PHF20: variants seen among roughly 807,000 people sequenced by gnomAD.
PHF20 encodes glioma-expressed antigen 2.
A neutral mutation model predicts 113.5 loss-of-function variants in PHF20; 23 were observed. The ratio of observed to expected loss-of-function variants is 0.20; its 90% CI spans 0.15 to 0.29. The LOEUF (loss-of-function observed/expected upper bound fraction) is 0.29. Among genes scored for constraint, PHF20 ranks in the 10% least tolerant of loss-of-function variants. The pLI is 1.00. For missense variants in PHF20, 943 were observed against 1,219.6 expected, an observed-to-expected ratio of 0.77 and a Z score of 3.38; for synonymous variants, 434 against 457.3, an observed-to-expected ratio of 0.95 and a Z score of 0.65.
At chr20:35,809,932 G>A (rs958530075) in intron 2 of PHF20, among the ~76,000 whole-genome samples, 1 of 152,050 alleles carries the variant, frequency 6.6e-6, no homozygotes, top group African/African-American at 2.4e-5. Context: ...TTGTTTGTTT[G>A]TTTATTTATT....
At position 35,863,197 on chromosome 20, in the gene PHF20, G is replaced by T; in HGVS notation, c.605G>T (p.Cys202Phe). The part of the protein sequence containing the change: ...KQPDKEGKLI[C>F]SEKGKVSEKS... ...CCTGATAAAGAAGGAAAGTTAATCT[G>T]TTCTGAAAAGGGGAAAGTGTCAGAG... The change falls in exon 6 of 18, where the codon TGT (cysteine) becomes TTT (phenylalanine). Residue 202 changes from cysteine to phenylalanine, a missense_variant. This residue lies in a region of PHF20 where 592 missense variants were observed against 787.2 expected (regional missense o/e 0.75). Transcript: ENST00000374012. The T allele has an allele frequency of 6.2e-7, 1 of 1,613,930 alleles. No homozygotes were observed. The highest frequency in any genetic ancestry group is 8.5e-7 in the Non-Finnish European group (1 of 1,179,982).
chr20:35,825,079 A>G (rs939467285), intron 2 of PHF20, among the ~76,000 whole-genome samples: 9 of 152,208 alleles, frequency 5.9e-5, no homozygotes, highest in Non-Finnish European at 1.3e-4. Flanking sequence ...TATACCTAAG[A>G]TGGAATTGTC....
rs529557233 is a variant in PHF20, at chr20:35,881,384, A to G, written c.1282+9555A>G. ...CCCTAAGTACTTTTTAGAAAATCCC[A>G]TATTTAATTAGCTGGGCATGGTGGT... On this transcript the variant is annotated intron_variant, in intron 9 of 17. Coordinates refer to ENST00000374012, the MANE Select transcript of PHF20 (RefSeq NM_016436.5). Among the ~76,000 whole-genome samples the G allele has an allele frequency of 1.7e-4, 26 of 151,684 alleles. No homozygotes were observed. The South Asian group carries it at 5.2e-3, about 30-fold the overall frequency.
chr20:35,791,442 TATCTATCTATC>T (rs1156773815), intron 1 of PHF20, among the ~76,000 whole-genome samples: 6 of 1,644 alleles, frequency 3.6e-3, no homozygotes, highest in African/African-American at 2.4e-3. Context: ...ACCAGAATAG[TATCTATCTATC>T]TATCTATCTA....
In PHF20 at chr20:35,799,509, T is replaced by C. The variant is rs376150008; in HGVS notation, c.-32-1982T>C. On this transcript the variant is annotated intron_variant, in intron 1 of 17. Transcript: ENST00000374012. The stretch of plus-strand genomic sequence containing the variant: ...CCAGAGTTTAGTGGGAGGAAAGAGT[T>C]AGGCTGGGGTAAGTCTGCTGTAAGG... 1.4e-4 allele frequency among the ~76,000 whole-genome samples: 21 copies of C among 151,848 alleles called. No homozygotes were observed. The East Asian group carries it at 2.9e-3, about 21-fold the overall frequency.
chr20:35,899,232 A>T (rs916267378), intron 9 of PHF20, 138 bp from the exon 10 acceptor site: 1 of 639,002 alleles, frequency 1.6e-6, no homozygotes, highest in Non-Finnish European at 2.7e-6. Flanking sequence ...CAGTAATTTG[A>T]GGAGGTAATG....
At chr20:35,794,300 CAAAAAAA>C (rs369191805) in intron 1 of PHF20, among the ~76,000 whole-genome samples, 6 of 96,138 alleles carry the variant, frequency 6.2e-5, no homozygotes, top group East Asian at 3.0e-4. Flanking sequence ...AACTCTGTCT[CAAAAAAA>C]AAAAAAAAAG....
intron 9 of PHF20, among the ~76,000 whole-genome samples, chr20:35,876,882 G>A (rs1012774872): frequency 2.0e-5 from 3 of 151,726 alleles, no homozygotes; most frequent in African/African-American, 7.3e-5. Flanking sequence ...CGAGGCAGGC[G>A]GATCACAAGG....
intron 2 of PHF20, among the ~76,000 whole-genome samples, chr20:35,830,648 CT>C (rs924861359): frequency 1.6e-4 from 24 of 151,504 alleles, no homozygotes; most frequent in African/African-American, 5.3e-4. Flanking sequence ...TGCTGCAGTG[CT>C]TTTTTTTCTT....
At chr20:35,926,382 C>A (rs934876619) in intron 13 of PHF20, among the ~76,000 whole-genome samples, 15 of 151,254 alleles carry the variant, frequency 9.9e-5, no homozygotes, top group Non-Finnish European at 4.4e-5. Flanking sequence ...GGACTACAGG[C>A]GCCCGCCACC....
At chr20:35,857,788 G>A (rs2042865005) in intron 4 of PHF20, among the ~76,000 whole-genome samples, 1 of 151,924 alleles carries the variant, frequency 6.6e-6, no homozygotes, top group African/African-American at 2.4e-5. Flanking sequence ...GTTTCACTAT[G>A]TTGGCCAGGC....
chr20:35,803,736 A>G lies in PHF20; in HGVS notation c.83+2131A>G, dbSNP rs138459376. Among the ~76,000 whole-genome samples the G allele has an allele frequency of 4.1e-3, 622 of 149,996 alleles. 1 individual carries two copies. Among genetic ancestry groups the G allele is most frequent in the Non-Finnish European group, 7.1e-3 (477 of 67,602 alleles). The stretch of plus-strand genomic sequence containing the variant: ...TATAATATACTGCGTGTGTGTATAT[A>G]TATTATATATTGTATGTATATATAT... On this transcript the variant is annotated intron_variant, in intron 2 of 17. Coordinates refer to ENST00000374012, the MANE Select transcript of PHF20 (RefSeq NM_016436.5).
intron 2 of PHF20, among the ~76,000 whole-genome samples, chr20:35,822,168 C>G (rs1387347010): frequency 2.6e-5 from 4 of 152,192 alleles, no homozygotes; most frequent in Middle Eastern, 3.4e-3. Flanking sequence ...CTTTGGGAGG[C>G]CAAGACGGAA....
chr20:35,938,388 C>A (rs1344409522), intron 15 of PHF20, among the ~76,000 whole-genome samples: 1 of 152,026 alleles, frequency 6.6e-6, no homozygotes, highest in African/African-American at 2.4e-5. Flanking sequence ...AGATAATTAG[C>A]CCAGTTTCAC....
chr20:35,890,426 A>G (rs2054827915), intron 9 of PHF20, among the ~76,000 whole-genome samples: 1 of 152,260 alleles, frequency 6.6e-6, no homozygotes, highest in Admixed American at 6.5e-5. Context: ...TTTGATTAAT[A>G]AAGGAGGGCA....
In PHF20 at chr20:35,917,327, A is replaced by G. The variant is rs1411276649; in HGVS notation, c.1826-157A>G. 9.4e-6 allele frequency: 7 copies of G among 745,326 alleles called. No individual in the cohort carries two copies. The Admixed American group carries it at 1.2e-4, about 13-fold the overall frequency. The allele number at this position is 745,326 out of a possible 1,614,324, so 46.2% of individuals were successfully genotyped here. A position where few individuals can be genotyped will look rare whatever the true frequency, so the allele number is the denominator to read the frequency against. ...GCTTCGTTTGGGCTGTTACTAAATG[A>G]CAGATCCAAGGACAGATTGGCATCC... On this transcript the variant is annotated intron_variant, in intron 12 of 17. Coordinates refer to ENST00000374012, the MANE Select transcript of PHF20 (RefSeq NM_016436.5).
At chr20:35,935,022 A>T (rs1369786149) in intron 15 of PHF20, among the ~76,000 whole-genome samples, 1 of 151,648 alleles carries the variant, frequency 6.6e-6, no homozygotes, top group East Asian at 1.9e-4. Context: ...ATATTTCTTT[A>T]AAAAAAAATT....
chr20:35,828,081 T>C (rs1047966507), intron 2 of PHF20, among the ~76,000 whole-genome samples: 1 of 152,048 alleles, frequency 6.6e-6, no homozygotes, highest in Non-Finnish European at 1.5e-5. Flanking sequence ...TGGAGTGCAA[T>C]GGCATGATCT....
At chr20:35,826,428 A>T (rs1286863921) in intron 2 of PHF20, among the ~76,000 whole-genome samples, 1 of 152,196 alleles carries the variant, frequency 6.6e-6, no homozygotes, top group Non-Finnish European at 1.5e-5. Flanking sequence ...GGAATGGAGA[A>T]TGTGGAGTCT....
Sources: gnomAD v4.1 joint callset for allele counts (sites outside exome capture counted in the v4.1 genomes callset) on GRCh38, gnomAD v4.1.1 for gene constraint, gnomAD v4.1.1 regional missense constraint, MANE v1.5 for transcripts, NCBI Gene and HGNC (gene_info 2026-07-23, HGNC 2026-07-21) for gene names.